Variants in ZNF385A observed in about 807,000 individuals in gnomAD.
The protein encoded by ZNF385A is zinc finger protein 385A, also known as hematopoietic zinc finger protein.
In ZNF385A, 14 loss-of-function variants were observed where a neutral mutation model predicts 32.1. The observed-to-expected ratio is 0.44, with a 90% confidence interval of 0.29 to 0.68. The LOEUF is 0.68. Among genes scored for constraint, ZNF385A ranks in the 30% least tolerant of loss-of-function variants. ZNF385A has a pLI of 0.14. For missense variants in ZNF385A, 406 were observed against 478.4 expected (o/e 0.85, Z 1.41); for synonymous variants, 197 against 202.7 (o/e 0.97, Z 0.24).
At chr12:54,389,697 C>T (rs1209308255), upstream of ZNF385A, among the ~76,000 whole-genome samples, 1 of 152,056 alleles carries the variant, frequency 6.6e-6, no homozygotes, top group East Asian at 1.9e-4. Context: ...AGGGTGGAGC[C>T]AGGGTGCAGA....
At position 54,370,137 on chromosome 12, in the gene ZNF385A, T is replaced by TGGG. The variant is rs3215379; in HGVS notation, c.*116_*118dup. ...TTTCCTGGAACCCCGTATCTCGGGG[T>TGGG]GGGGGGGGGGAAGGAGAGATCATTT... On this transcript the variant is annotated 3_prime_UTR_variant, in exon 7 of 7. Coordinates refer to ENST00000394313, the MANE Select transcript of ZNF385A (RefSeq NM_015481.3). The surrounding 1 kb of genome is among the most constrained non-coding windows in gnomAD (Gnocchi z 5.5). The TGGG allele has an allele frequency of 4.3e-5, 20 of 462,154 alleles. No homozygotes were observed. The highest frequency in any genetic ancestry group is 8.9e-5 in the African/African-American group (3 of 33,542). 28.6% of individuals were successfully genotyped at this position (462,154 alleles called of 1,614,324 possible).
chr12:54,390,145 G>A (rs1273422826), intron 1 of ZNF385A, among the ~76,000 whole-genome samples: 1 of 152,108 alleles, frequency 6.6e-6, no homozygotes, highest in Non-Finnish European at 1.5e-5. Flanking sequence ...CCTCGGTTGG[G>A]GGCAGGGAGA....
intron 3 of ZNF385A, 88 bp from the exon 4 acceptor site, chr12:54,371,803 AG>A: frequency 6.4e-7 from 1 of 1,570,342 alleles, no homozygotes; most frequent in Non-Finnish European, 8.6e-7. Flanking sequence ...CATTTCCTGG[AG>A]GGCAAGGGAC....
chr12:54,374,878 G>A (rs1869884), intron 2 of ZNF385A, among the ~76,000 whole-genome samples: 19,793 of 152,114 alleles, frequency 0.13, 1,806 homozygotes, highest in East Asian at 0.44. Context: ...GCAGAGGCCT[G>A]ATGCTGGGTT....
In ZNF385A at chr12:54,370,122, C is replaced by A; in HGVS notation, c.*134G>T. 1 of 719,110 alleles carries A rather than the reference C, an allele frequency of 1.4e-6. No homozygotes were observed. 44.5% of individuals were successfully genotyped at this position (719,110 alleles called of 1,614,324 possible). ...CCGCTACCCCTCCCCTTTCCTGGAA[C>A]CCCGTATCTCGGGGTGGGGGGGGGG... On this transcript the variant is annotated 3_prime_UTR_variant, in exon 7 of 7. Transcript: ENST00000394313. The surrounding 1 kb of genome is among the most constrained non-coding windows in gnomAD (Gnocchi z 5.5).
upstream of ZNF385A, among the ~76,000 whole-genome samples, chr12:54,388,046 A>AGAGTGT (rs749993501): frequency 1.4e-5 from 2 of 140,430 alleles, no homozygotes; most frequent in Non-Finnish European, 3.1e-5. Context: ...AGTGTGTGTA[A>AGAGTGT]GTGTGTGTGT....
At chr12:54,385,015 G>A, upstream of ZNF385A, 1 of 532,530 alleles carries the variant, frequency 1.9e-6, no homozygotes, top group South Asian at 8.1e-5. Context: ...ACTGACCAGA[G>A]GGGGATATTG....
At chr12:54,391,172 C>A in intron 1 of ZNF385A, 7 of 1,445,440 alleles carry the variant, frequency 4.8e-6, no homozygotes, top group Non-Finnish European at 6.4e-6. Context: ...TGGAGGGGGG[C>A]GGTGGGTGAC....
At chr12:54,385,743 A>T (rs1265902149), upstream of ZNF385A, 1 of 874,814 alleles carries the variant, frequency 1.1e-6, no homozygotes, top group East Asian at 1.2e-4. Flanking sequence ...TGGGCCTGAC[A>T]GCGTCCCCTT....
At chr12:54,385,579 G>C (rs1054240320), upstream of ZNF385A, 1 of 944,234 alleles carries the variant, frequency 1.1e-6, no homozygotes, top group Non-Finnish European at 1.3e-6. Flanking sequence ...AACCGAGGAG[G>C]CTGCGTGCTT....
At chr12:54,372,381 G>A (rs1305750723) in intron 3 of ZNF385A, among the ~76,000 whole-genome samples, 2 of 152,160 alleles carry the variant, frequency 1.3e-5, no homozygotes, top group Admixed American at 6.5e-5. Context: ...GGCAGTGGGG[G>A]TGGGGAGCTT....
chr12:54,376,139 CT>C (rs777908583), intron 1 of ZNF385A, among the ~76,000 whole-genome samples, 185 bp from the exon 2 acceptor site: 8 of 152,168 alleles, frequency 5.3e-5, no homozygotes, highest in Non-Finnish European at 5.9e-5. Context: ...TGAAAGGGAC[CT>C]GATCGATAAC....
chr12:54,379,907 C>T (rs1259250349), intron 1 of ZNF385A, among the ~76,000 whole-genome samples: 1 of 152,224 alleles, frequency 6.6e-6, no homozygotes, highest in African/African-American at 2.4e-5. Context: ...AGCCCACTCC[C>T]CCAGACACCT....
At position 54,373,961 on chromosome 12, in the gene ZNF385A, A is replaced by C; in HGVS notation, c.361+12T>G. Reference sequence around the variant, plus strand: ...GAGATCAGTTGAAGAATATGCGGGGATTCAGACACACCTGGACGGGGTGCT... The same window carrying C: ...GAGATCAGTTGAAGAATATGCGGGGCTTCAGACACACCTGGACGGGGTGCT... On this transcript the variant is annotated intron_variant, in intron 3 of 6. Transcript: ENST00000394313. The C allele has an allele frequency of 6.8e-7, 1 of 1,477,838 alleles. No homozygotes were observed. 91.5% of individuals were successfully genotyped at this position (1,477,838 alleles called of 1,614,324 possible). A position where few individuals can be genotyped will look rare whatever the true frequency, so the allele number is the denominator to read the frequency against.
Position 54,374,001 on chromosome 12 carries a change from T to C in ZNF385A, c.333A>G (p.Thr111=), listed in dbSNP as rs76519015. The C allele has an allele frequency of 6.8e-4, 1,073 of 1,576,650 alleles. 2 individuals carry two copies. In the African/African-American group the frequency reaches 7.0e-3, roughly 10 times the overall value. The change falls in exon 3 of 7, where the codon ACA becomes ACG. Residue 111 remains threonine (T), a synonymous_variant. Coordinates refer to ENST00000394313, the MANE Select transcript of ZNF385A (RefSeq NM_015481.3). The stretch of plus-strand genomic sequence containing the variant: ...GACGGGGTGCTACACCATCCCCATT[T>C]GTTGGGGTGCTGCCTGGGGGAGCTG... ...GDPAPPGSTP[T]NGDGVAPRPV... is the part of the protein sequence containing the mutation.
chr12:54,370,662 G>T lies in ZNF385A; in HGVS notation c.834C>A (p.Ser278Arg). 1 of 1,605,616 alleles carries T rather than the reference G, an allele frequency of 6.2e-7. No homozygotes were observed. The stretch of plus-strand genomic sequence containing the variant: ...CGGCGCCCCTAGACTTCTTGTGACG[G>T]CTCAGTAGTGGGTTGGGCTTCCCGG... ...GVAGKPNPLL[S>R]RHKKSRGAGE... Residue 278 changes from serine to arginine, a missense_variant, in exon 6 of 7, where the codon AGC becomes AGA. Physicochemically the swap from Ser to Arg is moderately radical, Grantham distance 110. Coordinates refer to ENST00000394313, the MANE Select transcript of ZNF385A (RefSeq NM_015481.3). The surrounding 1 kb of genome is among the most constrained non-coding windows in gnomAD (Gnocchi z 5.5).
chr12:54,380,788 C>T (rs1955118622), intron 1 of ZNF385A, among the ~76,000 whole-genome samples: 1 of 152,160 alleles, frequency 6.6e-6, no homozygotes, highest in Admixed American at 6.5e-5. Flanking sequence ...TGATTGAGCA[C>T]TTAGTTTGTG....
intron 2 of ZNF385A, 91 bp downstream of exon 2, chr12:54,375,753 G>T: frequency 9.3e-7 from 1 of 1,074,980 alleles, no homozygotes; most frequent in Non-Finnish European, 1.4e-6. Context: ...CTCAACCAGA[G>T]TAAGTGTTCT....
At chr12:54,385,042 G>A (rs1177567667), upstream of ZNF385A, 1 of 262,316 alleles carries the variant, frequency 3.8e-6, no homozygotes, top group Non-Finnish European at 6.0e-6. Flanking sequence ...AGATTTGGAG[G>A]GGGGCTGCTG....
Sources: gnomAD v4.1 joint callset for allele counts (sites outside exome capture counted in the v4.1 genomes callset) on GRCh38, gnomAD v4.1.1 for gene constraint, Gnocchi (gnomAD v3.1) non-coding constraint, MANE v1.5 for transcripts, NCBI Gene and HGNC (gene_info 2026-07-23, HGNC 2026-07-21) for gene names.